The following FBXW10 variants were observed in gnomAD, a reference collection of about 807,000 sequenced individuals.
The protein encoded by FBXW10 is F-box and WD repeat domain containing 10, also known as F-box/WD repeat-containing protein 10.
In FBXW10, 68 loss-of-function variants were observed where a neutral mutation model predicts 113.1. That is an observed-to-expected ratio of 0.60 (90% CI 0.49 to 0.74). FBXW10 has a LOEUF of 0.74. Ranked by LOEUF, FBXW10 falls within the 30% of genes least tolerant of loss-of-function variation. The probability of loss-of-function intolerance (pLI) is 0.00; values close to 1 mark genes in which losing one functional copy is unlikely to be tolerated. For synonymous variants in FBXW10, 289 were observed against 481.6 expected (o/e 0.60, Z 5.24); for missense variants, 753 against 1,284.5 (o/e 0.59, Z 6.32).
In FBXW10 at chr17:18,764,813, A is replaced by G. The variant is rs1196270768; in HGVS notation, c.1505A>G (p.Asp502Gly). ...CACCAGGGGACTATCACTTGCATGG[A>G]CTTGTGTAAGAACAGGCTCGTATCT... ...GGHQGTITCM[D>G]LCKNRLVSGG... is the part of the protein sequence containing the mutation. Residue 502 changes from aspartate (D) to glycine (G), a missense_variant, in exon 8 of 14, where the codon GAC (aspartate) becomes GGC (glycine). By Grantham distance (94) the Asp-to-Gly change is moderately conservative. Coordinates refer to ENST00000395665, the MANE Select transcript of FBXW10 (RefSeq NM_001267585.2). 9 of 1,613,882 alleles carry G rather than the reference A, an allele frequency of 5.6e-6. No individual in the cohort carries two copies. Among genetic ancestry groups the G allele is most frequent in the Non-Finnish European group, 7.6e-6 (9 of 1,179,830 alleles).
Position 18,744,359 on chromosome 17 carries a change from T to G in FBXW10, c.115T>G (p.Phe39Val), listed in dbSNP as rs760081035. The change falls in exon 1 of 14, where the codon TTC (phenylalanine) becomes GTC (valine). Residue 39 changes from phenylalanine (F) to valine (V), a missense_variant. By Grantham distance (50) the Phe-to-Val change is conservative (BLOSUM62 -1). Coordinates refer to ENST00000395665, the MANE Select transcript of FBXW10 (RefSeq NM_001267585.2). The stretch of plus-strand genomic sequence containing the variant: ...GACGTGTGTCTTAGCCTGGAAGATC[T>G]TCTCTACCAAAGAGTGGTTCTGCAG... Reference protein sequence around the residue: ...CETCVLAWKIFSTKEWFCRIN... With the variant: ...CETCVLAWKIVSTKEWFCRIN... 2 of 1,613,862 alleles carry G rather than the reference T, an allele frequency of 1.2e-6. No homozygotes were observed. The highest frequency in any genetic ancestry group is 2.2e-5 in the South Asian group (2 of 91,066).
In FBXW10 at chr17:18,773,177, C is replaced by G. The variant is rs187339404; in HGVS notation, c.2278+494C>G. Among the ~76,000 whole-genome samples, 494 of 152,154 alleles carry G rather than the reference C, an allele frequency of 3.2e-3. 10 individuals carry two copies. The South Asian group carries it at 0.049, about 15-fold the overall frequency. On this transcript the variant is annotated intron_variant, in intron 12 of 13. Coordinates refer to ENST00000395665, the MANE Select transcript of FBXW10 (RefSeq NM_001267585.2). Reference sequence around the variant, plus strand: ...CAAACTCCCGACCTCAGGTGATCCTCCCGGCTTGGCTTCCCAAAGTGCTGG... The same window carrying G: ...CAAACTCCCGACCTCAGGTGATCCTGCCGGCTTGGCTTCCCAAAGTGCTGG...
intron 5 of FBXW10, 27 bp from the exon 6 acceptor site, chr17:18,756,018 C>G: frequency 6.2e-7 from 1 of 1,605,678 alleles, no homozygotes; most frequent in Non-Finnish European, 8.5e-7. Flanking sequence ...TACCACTGAG[C>G]TTTAACTTCA....
chr17:18,775,281 TA>T, intron 13 of FBXW10, 89 bp downstream of exon 13: 5 of 845,364 alleles, frequency 5.9e-6, no homozygotes, highest in Admixed American at 1.9e-5. Context: ...CAGCAGGAGA[TA>T]AGACAAAAAG....
At chr17:18,761,458 G>A (rs1004500154) in intron 7 of FBXW10, among the ~76,000 whole-genome samples, 1 of 152,026 alleles carries the variant, frequency 6.6e-6, no homozygotes, top group Non-Finnish European at 1.5e-5. Context: ...GTAGAGACAA[G>A]GTTTCTCTGT....
intron 11 of FBXW10, among the ~76,000 whole-genome samples, chr17:18,772,178 GC>G (rs2035627050): frequency 6.6e-6 from 1 of 152,170 alleles, no homozygotes; most frequent in African/African-American, 2.4e-5. Flanking sequence ...GAACATATGT[GC>G]CCCGATCATG....
intron 11 of FBXW10, among the ~76,000 whole-genome samples, chr17:18,771,367 G>A (rs2035610374): frequency 6.6e-6 from 1 of 152,148 alleles, no homozygotes; most frequent in African/African-American, 2.4e-5. Context: ...TTATAGTTAA[G>A]GGAAGAGCAC....
At chr17:18,758,986 T>C (rs1412144025) in intron 7 of FBXW10, among the ~76,000 whole-genome samples, 1 of 151,988 alleles carries the variant, frequency 6.6e-6, no homozygotes, top group Admixed American at 6.6e-5. Context: ...GCTAACATGG[T>C]GAAACCCCGT....
chr17:18,772,572 G>C lies in FBXW10; in HGVS notation c.2167G>C (p.Val723Leu). 6.2e-7 allele frequency: 1 copy of C among 1,614,050 alleles called. No homozygotes were observed. The change falls in exon 12 of 14, where the codon GTT becomes CTT. Residue 723 changes from valine to leucine, a missense_variant. Val to Leu is a conservative substitution (Grantham distance 32). Transcript: ENST00000395665. The part of the protein sequence containing the change: ...MEILSKCNIQ[V>L]HSPRESVSSK... ...AATTCTCTCTAAGTGTAATATTCAG[G>C]TTCACAGCCCAAGAGAGTCTGTATC...
rs1244201725 is a variant in FBXW10, at chr17:18,768,055, T to TTCCTTCC, written c.1705-478_1705-477insCCTTCCT. On this transcript the variant is annotated intron_variant, in intron 9 of 13. Transcript: ENST00000395665. ...CCTTCCTTCCTTCCTTCCTTCCTTC[T>TTCCTTCC]TTCTTTCTTTCTTTCTTCTTTCTTT... Among the ~76,000 whole-genome samples the TTCCTTCC allele has an allele frequency of 1.5e-3, 105 of 68,836 alleles. 3 individuals carry two copies. The highest frequency in any genetic ancestry group is 8.1e-3 in the East Asian group (36 of 4,436). The allele number at this position is 68,836 out of a possible 152,430, so 45.2% of individuals were successfully genotyped here.
chr17:18,756,517 A>G (rs538225118), intron 6 of FBXW10, among the ~76,000 whole-genome samples: 2 of 152,160 alleles, frequency 1.3e-5, no homozygotes, highest in Non-Finnish European at 2.9e-5. Flanking sequence ...AGAGAAAGGC[A>G]AAGTTTTCCT....
intron 7 of FBXW10, among the ~76,000 whole-genome samples, chr17:18,760,559 T>C (rs2035358953): frequency 6.6e-6 from 1 of 152,242 alleles, no homozygotes; most frequent in South Asian, 2.1e-4. Context: ...AGCCCAGCAC[T>C]TTGGGAGGCT....
At chr17:18,757,032 A>T (rs986368440) in intron 6 of FBXW10, among the ~76,000 whole-genome samples, 1 of 152,170 alleles carries the variant, frequency 6.6e-6, no homozygotes, top group Non-Finnish European at 1.5e-5. Flanking sequence ...CAAAAATGTC[A>T]AGAATTGCTC....
intron 12 of FBXW10, 132 bp from the exon 13 acceptor site, chr17:18,775,004 C>A: frequency 1.6e-6 from 1 of 611,146 alleles, no homozygotes; most frequent in Non-Finnish European, 2.9e-6. Flanking sequence ...ATTATGTACC[C>A]ATAAAAAACA....
At chr17:18,776,748 G>A (rs67053020) in intron 13 of FBXW10, among the ~76,000 whole-genome samples, 1 of 151,946 alleles carries the variant, frequency 6.6e-6, no homozygotes, top group Non-Finnish European at 1.5e-5. Context: ...GCATTTTGTA[G>A]TTGCTTGTAT....
chr17:18,777,432 A>G (rs1249956845), intron 13 of FBXW10, among the ~76,000 whole-genome samples: 1 of 152,086 alleles, frequency 6.6e-6, no homozygotes, highest in Admixed American at 6.6e-5. Context: ...TAAGGTAAAG[A>G]TCAAATTTTG....
chr17:18,746,586 A>C (rs916188600), intron 1 of FBXW10, among the ~76,000 whole-genome samples: 4 of 152,226 alleles, frequency 2.6e-5, no homozygotes, highest in Non-Finnish European at 4.4e-5. Flanking sequence ...AAGAATGATA[A>C]TATAGAATGA....
Position 18,749,994 on chromosome 17 carries a change from A to T in FBXW10, c.872-16A>T. On this transcript the variant is annotated splice_polypyrimidine_tract_variant and intron_variant, in intron 3 of 13. Transcript: ENST00000395665. ...GCCCAGTTCTGGGGTTTCTGGGTCC[A>T]TCTTTTTTTTTCCAGGAATGCTGGA... 1.9e-6 allele frequency: 3 copies of T among 1,613,754 alleles called. No individual in the cohort carries two copies. The highest frequency in any genetic ancestry group is 2.2e-5 in the South Asian group (2 of 91,056).
At chr17:18,768,803 C>G in intron 10 of FBXW10, 127 bp downstream of exon 10, 1 of 972,860 alleles carries the variant, frequency 1.0e-6, no homozygotes, top group Non-Finnish European at 1.5e-6. Context: ...CTCACCCTCT[C>G]TGCTTCCCTC....
Sources: allele counts gnomAD v4.1 joint callset (sites outside exome capture counted in the v4.1 genomes callset), GRCh38; gene constraint gnomAD v4.1.1; transcripts MANE v1.5; gene names NCBI Gene and HGNC (gene_info 2026-07-23, HGNC 2026-07-21).